Variants in BNC2 observed in about 807,000 individuals in gnomAD.
BNC2 encodes basonuclin zinc finger protein 2.
Under a neutral mutation model 76.3 loss-of-function variants are expected in BNC2, and 20 were observed. The observed-to-expected ratio is 0.26, with a 90% confidence interval of 0.18 to 0.38. The LOEUF (loss-of-function observed/expected upper bound fraction) is 0.38, where lower values mean the gene tolerates loss of function less well. BNC2 is among the 10% of genes least tolerant of loss of function. The probability of loss-of-function intolerance (pLI) is 1.00; values close to 1 mark genes in which losing one functional copy is unlikely to be tolerated. For synonymous variants in BNC2, 582 were observed against 514.8 expected, an observed-to-expected ratio of 1.13 and a Z score of -1.77; for missense variants, 1,382 against 1,399.8, an observed-to-expected ratio of 0.99 and a Z score of 0.20.
At chr9:16,601,051 G>C (rs1030921623) in intron 3 of BNC2, among the ~76,000 whole-genome samples, 3 of 152,140 alleles carry the variant, frequency 2.0e-5, no homozygotes, top group Non-Finnish European at 2.9e-5. Context: ...TTAAAGGTGA[G>C]ATTTATCACG....
intron 5 of BNC2, among the ~76,000 whole-genome samples, chr9:16,494,623 G>A (rs974279926): frequency 3.9e-5 from 6 of 152,298 alleles, no homozygotes; most frequent in East Asian, 1.9e-4. Context: ...AAGGAACAGC[G>A]AAGAAGCCAG....
At chr9:16,861,976 G>C (rs940094812) in intron 1 of BNC2, among the ~76,000 whole-genome samples, 1 of 150,764 alleles carries the variant, frequency 6.6e-6, no homozygotes, top group Admixed American at 6.6e-5. Context: ...GCGACAGAGC[G>C]AGACTCCATC....
intron 2 of BNC2, among the ~76,000 whole-genome samples, 159 bp downstream of exon 2, chr9:16,738,201 G>C (rs1267539936): frequency 6.6e-6 from 1 of 152,112 alleles, no homozygotes; most frequent in Non-Finnish European, 1.5e-5. Flanking sequence ...AGAAGTGTTA[G>C]GAAGCAAATA....
At chr9:16,536,595 G>A (rs1818137349) in intron 5 of BNC2, among the ~76,000 whole-genome samples, 1 of 151,838 alleles carries the variant, frequency 6.6e-6, no homozygotes. Context: ...CTTCAGTCTT[G>A]TATTTAAGCC....
chr9:16,847,884 A>T (rs1427937349), intron 1 of BNC2, among the ~76,000 whole-genome samples: 1 of 152,220 alleles, frequency 6.6e-6, no homozygotes, highest in Non-Finnish European at 1.5e-5. Context: ...TGAAGCATGA[A>T]TTCAGGAAAC....
At chr9:16,543,774 T>C (rs1484873764) in intron 5 of BNC2, among the ~76,000 whole-genome samples, 2 of 152,184 alleles carry the variant, frequency 1.3e-5, no homozygotes, top group Non-Finnish European at 2.9e-5. Context: ...TGCCTCTGCC[T>C]GAGGCCTCCC....
intron 1 of BNC2, among the ~76,000 whole-genome samples, chr9:16,833,369 T>A (rs1394877243): frequency 2.0e-5 from 3 of 152,158 alleles, no homozygotes; most frequent in Non-Finnish European, 4.4e-5. Context: ...CCACTTTGAG[T>A]CTGAACTCCA....
At chr9:16,610,488 A>G (rs958829693) in intron 3 of BNC2, among the ~76,000 whole-genome samples, 6 of 152,200 alleles carry the variant, frequency 3.9e-5, no homozygotes, top group Non-Finnish European at 7.3e-5. Context: ...TTAAATTACT[A>G]TAATTTATCA....
intron 4 of BNC2, among the ~76,000 whole-genome samples, chr9:16,568,303 T>C (rs1819223524): frequency 6.6e-6 from 1 of 152,322 alleles, no homozygotes; most frequent in African/African-American, 2.4e-5. Context: ...GAGATTTTTA[T>C]TGGAGCAATT....
intron 3 of BNC2, among the ~76,000 whole-genome samples, chr9:16,693,848 T>G (rs1051703994): frequency 6.6e-6 from 1 of 152,186 alleles, no homozygotes; most frequent in Non-Finnish European, 1.5e-5. Flanking sequence ...AGAAATTATG[T>G]GGGGACAGAC....
In BNC2 at chr9:16,770,866, C is replaced by G. The variant is rs552456178; in HGVS notation, c.4-32381G>C. On this transcript the variant is annotated intron_variant, in intron 1 of 6. Transcript: ENST00000380672. ...CCAGCCTCAGCGACAAAGCAAGACC[C>G]TGTCACAAAAAGAAAAGAAAAGGGC... 8.8e-4 allele frequency among the ~76,000 whole-genome samples: 134 copies of G among 151,946 alleles called. 1 individual carries two copies. The highest frequency in any genetic ancestry group is 4.8e-3 in the Admixed American group (74 of 15,258).
chr9:16,464,306 G>A (rs1821657499), intron 5 of BNC2, among the ~76,000 whole-genome samples: 2 of 151,984 alleles, frequency 1.3e-5, no homozygotes, highest in Non-Finnish European at 1.5e-5. Context: ...CTGGACATCT[G>A]CTCCAAGAGT....
At chr9:16,744,314 A>G (rs1422814176) in intron 1 of BNC2, among the ~76,000 whole-genome samples, 2 of 152,166 alleles carry the variant, frequency 1.3e-5, no homozygotes, top group Non-Finnish European at 2.9e-5. Context: ...GCTGGTATGA[A>G]AAAGTGGAAC....
At chr9:16,576,770 G>A (rs1478386894) in intron 4 of BNC2, among the ~76,000 whole-genome samples, 6 of 152,092 alleles carry the variant, frequency 3.9e-5, no homozygotes, top group African/African-American at 1.4e-4. Flanking sequence ...ATGGAGTCTC[G>A]CTCTGTCGCC....
intron 1 of BNC2, among the ~76,000 whole-genome samples, chr9:16,806,415 G>C (rs1563951719): frequency 6.6e-6 from 1 of 152,058 alleles, no homozygotes; most frequent in Non-Finnish European, 1.5e-5. Flanking sequence ...AGGAAATAAT[G>C]CAGAGGAACG....
chr9:16,440,959 T>G (rs918889279), intron 5 of BNC2, among the ~76,000 whole-genome samples: 1 of 152,220 alleles, frequency 6.6e-6, no homozygotes, highest in African/African-American at 2.4e-5. Flanking sequence ...CAAATAGACT[T>G]AAGAACGGGA....
chr9:16,708,580 G>A (rs371987306), intron 3 of BNC2, among the ~76,000 whole-genome samples: 33 of 152,020 alleles, frequency 2.2e-4, no homozygotes, highest in African/African-American at 7.7e-4. Context: ...AGAGAAGGAA[G>A]GAAAAGCAAA....
chr9:16,843,727 T>C (rs1275699473), intron 1 of BNC2, among the ~76,000 whole-genome samples: 2 of 152,262 alleles, frequency 1.3e-5, no homozygotes, highest in African/African-American at 2.4e-5. Flanking sequence ...AGGTTTACCA[T>C]GTAAGACTAC....
intron 3 of BNC2, among the ~76,000 whole-genome samples, chr9:16,588,534 T>C (rs1266750227): frequency 1.3e-5 from 2 of 152,168 alleles, no homozygotes; most frequent in African/African-American, 4.8e-5. Flanking sequence ...ACTCAGTTTA[T>C]TTCCATTACC....
Sources: gnomAD v4.1 joint callset for allele counts (sites outside exome capture counted in the v4.1 genomes callset) on GRCh38, gnomAD v4.1.1 for gene constraint, MANE v1.5 for transcripts, NCBI Gene and HGNC (gene_info 2026-07-23, HGNC 2026-07-21) for gene names.